P2RY12: variants seen among roughly 807,000 people sequenced by gnomAD.
The protein encoded by P2RY12 is P2Y purinoceptor 12.
P2RY12 carries 3 observed loss-of-function variants against 4.5 expected under a neutral mutation model. The observed-to-expected ratio is 0.67, with a 90% confidence interval of 0.31 to 1.74. P2RY12 has a LOEUF of 1.74. P2RY12 is among the 40% of genes most tolerant of loss of function. The pLI, the probability that P2RY12 is intolerant of heterozygous loss-of-function variation, is 0.09. For synonymous variants in P2RY12, 148 were observed against 154.1 expected (o/e 0.96, Z 0.29); for missense variants, 356 against 407.8 (o/e 0.87, Z 1.09).
In P2RY12 at chr3:151,355,194, A is replaced by G. The variant is rs538503545; in HGVS notation, c.-179-14434T>C. On this transcript the variant is annotated intron_variant, in intron 1 of 2. Coordinates refer to ENST00000302632, the MANE Select transcript of P2RY12 (RefSeq NM_022788.5). ...CAACACTGGAGACTGTGTTCACTAAACTCCAGCTCCTTTCATATTTTGATC... is the reference window on the plus strand; with the variant it reads ...CAACACTGGAGACTGTGTTCACTAAGCTCCAGCTCCTTTCATATTTTGATC... The G allele has an allele frequency of 3.4e-5, 55 of 1,613,766 alleles. No individual in the cohort carries two copies. The East Asian group carries it at 1.1e-3, about 33-fold the overall frequency.
At chr3:151,369,013 G>A (rs527363901) in intron 1 of P2RY12, among the ~76,000 whole-genome samples, 8 of 151,876 alleles carry the variant, frequency 5.3e-5, no homozygotes, top group Non-Finnish European at 1.0e-4. Flanking sequence ...CACCTGCCTC[G>A]GCCTCCCAAA....
chr3:151,344,249 C>T (rs12494865), intron 1 of P2RY12, among the ~76,000 whole-genome samples: 47,578 of 151,196 alleles, frequency 0.31, 7,759 homozygotes, highest in East Asian at 0.49. Context: ...TAGTTAAATC[C>T]GCCTCCTATT....
At chr3:151,379,806 C>A (rs1711915977) in intron 1 of P2RY12, among the ~76,000 whole-genome samples, 1 of 152,094 alleles carries the variant, frequency 6.6e-6, no homozygotes, top group South Asian at 2.1e-4. Context: ...TTTTTAAATT[C>A]TGCATATTGA....
At chr3:151,364,005 T>TA (rs974042504) in intron 1 of P2RY12, among the ~76,000 whole-genome samples, 8 of 151,014 alleles carry the variant, frequency 5.3e-5, no homozygotes, top group Non-Finnish European at 7.4e-5. Context: ...ATATGGGGTT[T>TA]AAAAAAAAAG....
chr3:151,360,691 A>G lies in P2RY12; in HGVS notation c.-179-19931T>C, dbSNP rs79016033. 9 of 1,232,020 alleles carry G rather than the reference A, an allele frequency of 7.3e-6. No individual in the cohort carries two copies. The East Asian group carries it at 2.1e-4, about 29-fold the overall frequency. The allele number at this position is 1,232,020 out of a possible 1,614,324, so 76.3% of individuals were successfully genotyped here. A position where few individuals can be genotyped will look rare whatever the true frequency, so the allele number is the denominator to read the frequency against. ...TGACAATATTGTCATCCTTTTGAATAATGAAAGCTAATTGCAATTGTATCT... is the reference window on the plus strand; with the variant it reads ...TGACAATATTGTCATCCTTTTGAATGATGAAAGCTAATTGCAATTGTATCT... On this transcript the variant is annotated intron_variant, in intron 1 of 2. Coordinates refer to ENST00000302632, the MANE Select transcript of P2RY12 (RefSeq NM_022788.5).
chr3:151,353,913 G>C (rs561473624), intron 1 of P2RY12, among the ~76,000 whole-genome samples: 1 of 151,770 alleles, frequency 6.6e-6, no homozygotes, highest in African/African-American at 2.4e-5. Flanking sequence ...AGGCCGAGGC[G>C]GGCGGATCAC....
intron 1 of P2RY12, among the ~76,000 whole-genome samples, chr3:151,350,786 T>C (rs1171997889): frequency 6.6e-6 from 1 of 152,248 alleles, no homozygotes; most frequent in Non-Finnish European, 1.5e-5. Context: ...TCTTCTTTAG[T>C]TGAAATGCTC....
chr3:151,381,597 C>T (rs143107835), intron 1 of P2RY12, among the ~76,000 whole-genome samples: 1 of 152,338 alleles, frequency 6.6e-6, no homozygotes, highest in East Asian at 1.9e-4. Context: ...CTGCTCCCTT[C>T]ATTCAGTTCT....
chr3:151,338,586 A>G lies in P2RY12; in HGVS notation c.260T>C (p.Leu87Pro). The change falls in exon 3 of 3, where the codon CTG becomes CCG. Residue 87 changes from leucine (L) to proline (P), a missense_variant. Physicochemically the swap from Leu to Pro is moderately conservative, Grantham distance 98. Coordinates refer to ENST00000302632, the MANE Select transcript of P2RY12 (RefSeq NM_022788.5). ...FPFKILSDAK[L>P]GTGPLRTFVC... The stretch of plus-strand genomic sequence containing the variant: ...AAAAGTTCTCAGTGGTCCTGTTCCC[A>G]GTTTGGCATCACTAAGAATTTTGAA... 1.9e-6 allele frequency: 3 copies of G among 1,614,096 alleles called. No individual in the cohort carries two copies. Among genetic ancestry groups the G allele is most frequent in the Non-Finnish European group, 2.5e-6 (3 of 1,180,006 alleles).
At position 151,364,958 on chromosome 3, in the gene P2RY12, C is replaced by CT. The variant is rs747351253; in HGVS notation, c.-180+19733dup. The CT allele has an allele frequency of 1.1e-5, 17 of 1,559,752 alleles. No homozygotes were observed. In the African/African-American group the frequency reaches 1.8e-4, roughly 16 times the overall value. On this transcript the variant is annotated intron_variant, in intron 1 of 2. Transcript: ENST00000302632. ...TTCTAGTTTTATTTTTCTGTTTTAA[C>CT]TTTTTTTCTTATAACCTCAGTAGTG...
In P2RY12 at chr3:151,378,841, A is replaced by G. The variant is rs138749615; in HGVS notation, c.-180+5851T>C. On this transcript the variant is annotated intron_variant, in intron 1 of 2. Coordinates refer to ENST00000302632, the MANE Select transcript of P2RY12 (RefSeq NM_022788.5). ...GATTTCTTGTCCACTAATGAATAAT[A>G]CTATAGTAGCCACCATTTATTGACT... Among the ~76,000 whole-genome samples the G allele has an allele frequency of 2.3e-3, 348 of 152,364 alleles. 3 individuals are homozygous for G. Among genetic ancestry groups the G allele is most frequent in the African/African-American group, 8.1e-3 (335 of 41,582 alleles).
chr3:151,376,069 G>T, intron 1 of P2RY12: 1 of 1,605,972 alleles, frequency 6.2e-7, no homozygotes, highest in Non-Finnish European at 8.5e-7. Flanking sequence ...GAAAGATTAT[G>T]TACAGACAAA....
chr3:151,346,910 TA>T (rs1317308716), intron 1 of P2RY12, among the ~76,000 whole-genome samples: 1 of 152,206 alleles, frequency 6.6e-6, no homozygotes, highest in Non-Finnish European at 1.5e-5. Flanking sequence ...CCTGCTGTTA[TA>T]ATGTATTAAT....
chr3:151,357,113 G>A (rs1482571819), intron 1 of P2RY12: 4 of 965,118 alleles, frequency 4.1e-6, no homozygotes, highest in East Asian at 2.7e-5. Context: ...GAATGTATTT[G>A]TAGTGTAATG....
chr3:151,357,266 C>T, intron 1 of P2RY12: 2 of 1,613,562 alleles, frequency 1.2e-6, no homozygotes, highest in Non-Finnish European at 1.7e-6. Context: ...AATCCTCCAG[C>T]CTGGCAGGAA....
rs563341718 is a variant in P2RY12, at chr3:151,373,806, T to C, written c.-180+10886A>G. ...ATAGTTTCTGGCCCATGTTGTACTT[T>C]CTCTGCCCCGGGCCTGGAATCAACT... is the stretch of plus-strand genomic sequence containing the variant. On this transcript the variant is annotated intron_variant, in intron 1 of 2. Transcript: ENST00000302632. Among the ~76,000 whole-genome samples, 5 of 152,150 alleles carry C rather than the reference T, an allele frequency of 3.3e-5. No individual in the cohort carries two copies. The South Asian group carries it at 1.0e-3, about 32-fold the overall frequency.
At chr3:151,379,623 C>T (rs1711877086) in intron 1 of P2RY12, among the ~76,000 whole-genome samples, 1 of 152,182 alleles carries the variant, frequency 6.6e-6, no homozygotes, top group African/African-American at 2.4e-5. Flanking sequence ...TACTAACACC[C>T]TGCTTTTTGG....
chr3:151,380,597 CAAAAA>C (rs56792030), intron 1 of P2RY12, among the ~76,000 whole-genome samples: 2 of 113,304 alleles, frequency 1.8e-5, no homozygotes, highest in South Asian at 2.8e-4. Context: ...AACTCTGTCT[CAAAAA>C]AAAAAAAAAA....
intron 1 of P2RY12, among the ~76,000 whole-genome samples, chr3:151,374,798 C>T (rs545481356): frequency 1.3e-4 from 20 of 151,926 alleles, no homozygotes; most frequent in South Asian, 1.0e-3. Context: ...GAATAGCTTA[C>T]TTTCAAAAGT....
Sources: gnomAD v4.1 joint callset for allele counts (sites outside exome capture counted in the v4.1 genomes callset) on GRCh38, gnomAD v4.1.1 for gene constraint, MANE v1.5 for transcripts, NCBI Gene and HGNC (gene_info 2026-07-23, HGNC 2026-07-21) for gene names.